The following RAD51B variants were observed in gnomAD, a reference collection of about 807,000 sequenced individuals.
RAD51B encodes the protein DNA repair protein RAD51 homolog 2.
In RAD51B, 38 loss-of-function variants were observed where a neutral mutation model predicts 42.2. The ratio of observed to expected loss-of-function variants is 0.90; its 90% CI spans 0.70 to 1.18. The LOEUF is 1.18. Ranked by LOEUF, RAD51B falls within the 50% of genes most tolerant of loss-of-function variation. The pLI, the probability that RAD51B is intolerant of heterozygous loss-of-function variation, is 0.00. For missense variants in RAD51B, 373 were observed against 400.7 expected (o/e 0.93, Z 0.59); for synonymous variants, 154 against 145.2 (o/e 1.06, Z -0.43).
chr14:68,137,897 A>C (rs1477600094), intron 7 of RAD51B, among the ~76,000 whole-genome samples: 1 of 152,186 alleles, frequency 6.6e-6, no homozygotes, highest in Non-Finnish European at 1.5e-5. Flanking sequence ...GTCATGGTGC[A>C]TTTCCTGGGC....
At chr14:68,146,557 A>C (rs1056086010) in intron 7 of RAD51B, among the ~76,000 whole-genome samples, 1 of 152,110 alleles carries the variant, frequency 6.6e-6, no homozygotes, top group Non-Finnish European at 1.5e-5. Context: ...TTTGAATTAG[A>C]GGGAAGGACC....
intron 7 of RAD51B, among the ~76,000 whole-genome samples, chr14:68,275,589 A>ACACACAGT (rs1463975697): frequency 6.6e-6 from 1 of 152,132 alleles, no homozygotes; most frequent in Non-Finnish European, 1.5e-5. Context: ...CGCATGGATG[A>ACACACAGT]CACACAGTCA....
At chr14:67,947,745 CA>C (rs201563233) in intron 7 of RAD51B, among the ~76,000 whole-genome samples, 2 of 151,570 alleles carry the variant, frequency 1.3e-5, no homozygotes, top group Non-Finnish European at 2.9e-5. Context: ...TCCTAAAAAA[CA>C]AAAAAAACTT....
chr14:68,055,354 C>G (rs112646961), intron 7 of RAD51B, among the ~76,000 whole-genome samples: 20 of 151,934 alleles, frequency 1.3e-4, no homozygotes, highest in African/African-American at 4.6e-4. Flanking sequence ...AGAATTTTTC[C>G]CTTAATGTAG....
chr14:68,537,877 G>A (rs1275347475), intron 10 of RAD51B, among the ~76,000 whole-genome samples: 1 of 151,906 alleles, frequency 6.6e-6, no homozygotes, highest in African/African-American at 2.4e-5. Context: ...GAGGTATTTT[G>A]TCCCCATTTT....
At chr14:68,203,237 G>C (rs1258637497) in intron 7 of RAD51B, among the ~76,000 whole-genome samples, 1 of 152,184 alleles carries the variant, frequency 6.6e-6, no homozygotes, top group Non-Finnish European at 1.5e-5. Flanking sequence ...ATTAAGACTT[G>C]AATGTTGAAA....
At chr14:67,846,441 G>A (rs1188545093) in intron 4 of RAD51B, among the ~76,000 whole-genome samples, 7 of 152,220 alleles carry the variant, frequency 4.6e-5, no homozygotes, top group Non-Finnish European at 1.0e-4. Flanking sequence ...ATGGAGGGGA[G>A]GTGAGGTCTA....
chr14:68,428,447 A>C (rs1484651245), intron 9 of RAD51B, among the ~76,000 whole-genome samples: 1 of 152,020 alleles, frequency 6.6e-6, no homozygotes, highest in Non-Finnish European at 1.5e-5. Context: ...AACTGTATGC[A>C]CATTGTCATA....
chr14:68,202,808 C>T (rs955381485), intron 7 of RAD51B, among the ~76,000 whole-genome samples: 1 of 151,884 alleles, frequency 6.6e-6, no homozygotes, highest in Non-Finnish European at 1.5e-5. Context: ...TCTCGAACTC[C>T]CAACCTCAGG....
chr14:68,558,667 G>GTCTGTC (rs1339955487), intron 10 of RAD51B, among the ~76,000 whole-genome samples: 1 of 152,262 alleles, frequency 6.6e-6, no homozygotes. Flanking sequence ...GGATGACAGT[G>GTCTGTC]TCTGTCTCTG....
At chr14:68,577,374 T>G (rs1293324514) in intron 10 of RAD51B, among the ~76,000 whole-genome samples, 3 of 152,150 alleles carry the variant, frequency 2.0e-5, no homozygotes, top group African/African-American at 4.8e-5. Context: ...ATGAAGGTTT[T>G]GAAGATGAAG....
intron 8 of RAD51B, among the ~76,000 whole-genome samples, chr14:68,322,123 A>T (rs536122254): frequency 1.3e-5 from 2 of 152,350 alleles, no homozygotes; most frequent in African/African-American, 4.8e-5. Flanking sequence ...GCATGTAGTA[A>T]GCACTAGATT....
At chr14:68,576,363 C>T (rs1366764064) in intron 10 of RAD51B, among the ~76,000 whole-genome samples, 1 of 152,200 alleles carries the variant, frequency 6.6e-6, no homozygotes, top group Admixed American at 6.5e-5. Flanking sequence ...TCCTCCTTTT[C>T]GTGATTAGGA....
At chr14:68,667,150 C>T (rs529114627) in intron 11 of RAD51B, among the ~76,000 whole-genome samples, 3 of 152,286 alleles carry the variant, frequency 2.0e-5, no homozygotes, top group South Asian at 2.1e-4. Flanking sequence ...AGGGAATTGA[C>T]GTATGTGACG....
At chr14:68,045,259 A>AAG (rs1169171421) in intron 7 of RAD51B, among the ~76,000 whole-genome samples, 2 of 150,868 alleles carry the variant, frequency 1.3e-5, no homozygotes, top group Non-Finnish European at 3.0e-5. Context: ...AAAAAAAAAA[A>AAG]AAAAGAAAAG....
chr14:67,942,192 AG>A (rs2045233464), intron 7 of RAD51B, among the ~76,000 whole-genome samples: 2 of 152,348 alleles, frequency 1.3e-5, no homozygotes, highest in African/African-American at 2.4e-5. Context: ...TAGAGGTTTA[AG>A]AATCAGTTAA....
Position 68,388,765 on chromosome 14 carries a change from A to G in RAD51B, c.854-22659A>G, listed in dbSNP as rs575826980. Reference sequence around the variant, plus strand: ...AGCCACTTTTAGCTTGTTTTCATGAATGGAGCCCTGATGTGGGAAGTGCAC... The same window carrying G: ...AGCCACTTTTAGCTTGTTTTCATGAGTGGAGCCCTGATGTGGGAAGTGCAC... On this transcript the variant is annotated intron_variant, in intron 8 of 10. Transcript: ENST00000471583. 2.0e-5 allele frequency among the ~76,000 whole-genome samples: 3 copies of G among 152,252 alleles called. No homozygotes were observed. In the East Asian group the frequency reaches 5.8e-4, roughly 29 times the overall value.
intron 7 of RAD51B, among the ~76,000 whole-genome samples, chr14:68,083,674 G>C (rs939769336): frequency 6.6e-6 from 1 of 152,094 alleles, no homozygotes; most frequent in Non-Finnish European, 1.5e-5. Flanking sequence ...TAAAAATGGA[G>C]AATATTTCAT....
chr14:68,072,210 T>TTGTATA (rs1401578093), intron 7 of RAD51B, among the ~76,000 whole-genome samples: 1 of 136,878 alleles, frequency 7.3e-6, no homozygotes, highest in East Asian at 2.0e-4. Flanking sequence ...TTTCTAGGTT[T>TTGTATA]TATATATATA....
Sources: gnomAD v4.1 joint callset for allele counts (sites outside exome capture counted in the v4.1 genomes callset) on GRCh38, gnomAD v4.1.1 for gene constraint, MANE v1.5 for transcripts, NCBI Gene and HGNC (gene_info 2026-07-23, HGNC 2026-07-21) for gene names.